The following KCNIP4 variants were observed in gnomAD, a reference collection of about 807,000 sequenced individuals.
KCNIP4 encodes Kv channel-interacting protein 4.
In KCNIP4, 12 loss-of-function variants were observed where a neutral mutation model predicts 34.0. That is an observed-to-expected ratio of 0.35 (90% CI 0.23 to 0.57). KCNIP4 has a LOEUF of 0.57. Ranked by LOEUF, KCNIP4 falls within the 20% of genes least tolerant of loss-of-function variation. The pLI is 0.83. For synonymous variants in KCNIP4, 124 were observed against 102.2 expected, an observed-to-expected ratio of 1.21 and a Z score of -1.29; for missense variants, 238 against 311.7, an observed-to-expected ratio of 0.76 and a Z score of 1.78.
At chr4:20,911,916 A>G (rs1728365004) in intron 1 of KCNIP4, among the ~76,000 whole-genome samples, 1 of 152,346 alleles carries the variant, frequency 6.6e-6, no homozygotes, top group African/African-American at 2.4e-5. Context: ...GTCCATGTGG[A>G]TACCACACTG....
chr4:21,789,769 T>A (rs1720156088), intron 1 of KCNIP4, among the ~76,000 whole-genome samples: 1 of 152,206 alleles, frequency 6.6e-6, no homozygotes, highest in African/African-American at 2.4e-5. Flanking sequence ...GTGCTTGCTC[T>A]TACAAAGAAG....
At chr4:21,281,371 A>C (rs1270106972) in intron 1 of KCNIP4, among the ~76,000 whole-genome samples, 1 of 152,142 alleles carries the variant, frequency 6.6e-6, no homozygotes, top group Non-Finnish European at 1.5e-5. Context: ...TACAGGTGTG[A>C]GTCACCGCAC....
chr4:21,191,177 A>G (rs1755620334), intron 1 of KCNIP4, among the ~76,000 whole-genome samples: 1 of 152,224 alleles, frequency 6.6e-6, no homozygotes, highest in Non-Finnish European at 1.5e-5. Flanking sequence ...AGAATTTGAT[A>G]GCATGCACAA....
intron 1 of KCNIP4, among the ~76,000 whole-genome samples, chr4:21,299,139 T>C (rs1415335333): frequency 6.6e-6 from 1 of 152,162 alleles, no homozygotes. Flanking sequence ...TACTATACTA[T>C]ATTACATGAA....
At chr4:20,793,601 C>T (rs1277576538) in intron 3 of KCNIP4, among the ~76,000 whole-genome samples, 3 of 152,112 alleles carry the variant, frequency 2.0e-5, no homozygotes, top group African/African-American at 7.2e-5. Flanking sequence ...TTGTGGAAGA[C>T]ACTTTTTCCA....
At chr4:20,854,674 G>C (rs10938814) in intron 2 of KCNIP4, among the ~76,000 whole-genome samples, 51,349 of 151,944 alleles carry the variant, frequency 0.34, 10,030 homozygotes, top group Admixed American at 0.45. Context: ...CATTTTACAA[G>C]TAAAGTGAAA....
In KCNIP4 at chr4:20,992,591, C is replaced by T. The variant is rs145160624; in HGVS notation, c.62-109882G>A. ...CTGTCTCCCTCCCTTTCTGCCTCTC[C>T]CCCACCCCACATACAATTATCACCC... On this transcript the variant is annotated intron_variant, in intron 1 of 8. Transcript: ENST00000382152. Among the ~76,000 whole-genome samples the T allele has an allele frequency of 2.3e-4, 35 of 152,200 alleles. No individual in the cohort carries two copies. The East Asian group carries it at 6.6e-3, about 29-fold the overall frequency.
chr4:21,529,588 A>G (rs1736501762), intron 1 of KCNIP4, among the ~76,000 whole-genome samples: 1 of 152,184 alleles, frequency 6.6e-6, no homozygotes, highest in Non-Finnish European at 1.5e-5. Context: ...ATAATAAAAT[A>G]TTCTCAGACC....
At chr4:21,340,515 A>T (rs1716648303) in intron 1 of KCNIP4, among the ~76,000 whole-genome samples, 1 of 152,160 alleles carries the variant, frequency 6.6e-6, no homozygotes, top group Non-Finnish European at 1.5e-5. Context: ...AGGATCTCAT[A>T]AACAGCAGTT....
At chr4:21,506,949 A>G (rs1733895295) in intron 1 of KCNIP4, among the ~76,000 whole-genome samples, 1 of 151,580 alleles carries the variant, frequency 6.6e-6, no homozygotes, top group Non-Finnish European at 1.5e-5. Context: ...GCACCACCAC[A>G]TCCGTCTTTT....
intron 1 of KCNIP4, among the ~76,000 whole-genome samples, chr4:21,108,642 G>T (rs563080700): frequency 6.6e-6 from 1 of 151,752 alleles, no homozygotes; most frequent in Non-Finnish European, 1.5e-5. Context: ...TGCTGGTGAG[G>T]AACTGCGTTC....
intron 1 of KCNIP4, among the ~76,000 whole-genome samples, chr4:20,985,697 T>C (rs1577487310): frequency 6.6e-6 from 1 of 152,182 alleles, no homozygotes; most frequent in East Asian, 1.9e-4. Context: ...AAGTAAAATG[T>C]GACCAATAAA....
At chr4:21,564,199 A>G (rs1460475) in intron 1 of KCNIP4, among the ~76,000 whole-genome samples, 33,266 of 152,008 alleles carry the variant, frequency 0.22, 3,881 homozygotes, top group East Asian at 0.32. Flanking sequence ...AACTTAAAAC[A>G]TTTTTCCATT....
intron 3 of KCNIP4, among the ~76,000 whole-genome samples, chr4:20,772,759 A>C (rs941557854): frequency 6.6e-6 from 1 of 151,690 alleles, no homozygotes; most frequent in African/African-American, 2.4e-5. Flanking sequence ...CTTCAGCCTC[A>C]GCCTCCTGAA....
chr4:21,647,893 A>C (rs1367587221), intron 1 of KCNIP4, among the ~76,000 whole-genome samples: 1 of 43,670 alleles, frequency 2.3e-5, no homozygotes, highest in African/African-American at 8.2e-5. Context: ...TTTTTTTTTT[A>C]GACAGTGTCT....
At position 21,484,005 on chromosome 4, in the gene KCNIP4, C is replaced by CT. The variant is rs35586015; in HGVS notation, c.61+464565dup. Among the ~76,000 whole-genome samples the CT allele has an allele frequency of 4.2e-3, 613 of 147,236 alleles. 2 individuals carry two copies. The highest frequency in any genetic ancestry group is 0.013 in the African/African-American group (505 of 40,338). On this transcript the variant is annotated intron_variant, in intron 1 of 8. Transcript: ENST00000382152. ...CTGCAGAACCATGAGCCAATTAAAC[C>CT]TTTTTTTTTTTTATAGATTACCCAG...
intron 1 of KCNIP4, among the ~76,000 whole-genome samples, chr4:21,105,405 A>G (rs1179049841): frequency 1.3e-5 from 2 of 151,508 alleles, no homozygotes; most frequent in African/African-American, 2.4e-5. Flanking sequence ...TTTGTCTGTT[A>G]TTGGTGTATA....
intron 1 of KCNIP4, among the ~76,000 whole-genome samples, chr4:20,892,678 G>A (rs60733556): frequency 0.11 from 16,427 of 152,220 alleles, 986 homozygotes; most frequent in South Asian, 0.21. Context: ...TCAGTTGAGT[G>A]CAGAATAATT....
At chr4:21,370,881 A>G (rs6815908) in intron 1 of KCNIP4, among the ~76,000 whole-genome samples, 322 of 17,248 alleles carry the variant, frequency 0.019, 27 homozygotes, top group Non-Finnish European at 0.028. Context: ...ACACACACAC[A>G]CGTGTGTGTG....
Sources: gnomAD v4.1 joint callset for allele counts (sites outside exome capture counted in the v4.1 genomes callset) on GRCh38, gnomAD v4.1.1 for gene constraint, MANE v1.5 for transcripts, NCBI Gene and HGNC (gene_info 2026-07-23, HGNC 2026-07-21) for gene names.